MID2: variants seen among roughly 807,000 people sequenced by gnomAD.
MID2 encodes probable E3 ubiquitin-protein ligase MID2.
In MID2, 13 loss-of-function variants were observed where a neutral mutation model predicts 46.1. The ratio of observed to expected loss-of-function variants is 0.28; its 90% CI spans 0.18 to 0.45. The LOEUF is 0.45. Among genes scored for constraint, MID2 ranks in the 20% least tolerant of loss-of-function variants. MID2 has a pLI of 1.00. For missense variants in MID2, 431 were observed against 575.4 expected (o/e 0.75, Z 2.57); for synonymous variants, 199 against 212.3 (o/e 0.94, Z 0.55).
intron 3 of MID2, among the ~76,000 whole-genome samples, chrX:107,874,654 T>C (rs928302994): frequency 1.8e-5 from 2 of 112,519 alleles, no homozygotes; most frequent in African/African-American, 6.5e-5. Flanking sequence ...AGTCCCAGGT[T>C]CCCAAATTAG....
At chrX:107,838,639 C>G (rs964232533) in intron 1 of MID2, among the ~76,000 whole-genome samples, 1 of 112,284 alleles carries the variant, frequency 8.9e-6, no homozygotes, top group Non-Finnish European at 1.9e-5. Flanking sequence ...GATTTAGAAA[C>G]AGCTTTTAGG....
intron 3 of MID2, among the ~76,000 whole-genome samples, chrX:107,902,425 C>T (rs750511285): frequency 1.3e-4 from 14 of 111,091 alleles, no homozygotes; most frequent in Admixed American, 3.8e-4. Flanking sequence ...TAAAGGAGTT[C>T]GTGAGCTGGT....
In MID2 at chrX:107,927,002, C is replaced by T. The variant is rs145359982; in HGVS notation, c.2137C>T (p.Pro713Ser). ...GLPAPDFIDY[P>S]ERQECNCRPQ... ...GCCTGCCCCAGATTTTATTGATTAC[C>T]CTGAGCGGCAGGAATGCAACTGCAG... Residue 713 changes from proline (P) to serine (S), a missense_variant, in exon 10 of 10, where the codon CCT becomes TCT. Transcript: ENST00000262843. 17 of 1,208,683 alleles carry T rather than the reference C, an allele frequency of 1.4e-5. No homozygotes were observed. In the African/African-American group the frequency reaches 2.3e-4, roughly 16 times the overall value.
At chrX:107,839,861 C>T (rs1210628535) in intron 1 of MID2, among the ~76,000 whole-genome samples, 3 of 112,227 alleles carry the variant, frequency 2.7e-5, no homozygotes, top group Admixed American at 1.9e-4. Flanking sequence ...GTAATGAAAC[C>T]AAACTGAAGC....
chrX:107,881,268 G>C (rs1480764130), intron 3 of MID2, among the ~76,000 whole-genome samples: 1 of 112,767 alleles, frequency 8.9e-6, no homozygotes, highest in Admixed American at 9.4e-5. Context: ...GACAAAATTG[G>C]TGAAGGTCAT....
intron 3 of MID2, among the ~76,000 whole-genome samples, chrX:107,879,472 A>C (rs761226638): frequency 5.3e-5 from 6 of 112,236 alleles, no homozygotes; most frequent in Non-Finnish European, 7.5e-5. Flanking sequence ...TCTCTCCAAC[A>C]TTCAACCATA....
intron 4 of MID2, among the ~76,000 whole-genome samples, 165 bp downstream of exon 4, chrX:107,904,230 G>A (rs770163233): frequency 9.8e-5 from 11 of 111,880 alleles, no homozygotes; most frequent in African/African-American, 3.2e-4. Context: ...CAGTAAAAAC[G>A]ATGGCCATTC....
chrX:107,859,764 G>A (rs950060960), intron 3 of MID2, among the ~76,000 whole-genome samples: 17 of 112,408 alleles, frequency 1.5e-4, no homozygotes, highest in African/African-American at 5.2e-4. Flanking sequence ...ATAAAAATGA[G>A]ATAAGGGAGT....
In MID2 at chrX:107,931,591, C is replaced by A. The variant is rs1234690404; in HGVS notation, c.*4518C>A. Among the ~76,000 whole-genome samples the A allele has an allele frequency of 9.0e-6, 1 of 111,471 alleles. No homozygotes were observed. Among genetic ancestry groups the A allele is most frequent in the Admixed American group, 9.6e-5 (1 of 10,433 alleles). On this transcript the variant is annotated 3_prime_UTR_variant, in exon 10 of 10. Coordinates refer to ENST00000262843, the MANE Select transcript of MID2 (RefSeq NM_012216.4). ...CCCTCTCTACAATATTCCAGCCCAT[C>A]CAAAATGCTATATTATGAATTAAAT...
intron 1 of MID2, among the ~76,000 whole-genome samples, chrX:107,831,485 C>T (rs1931088275): frequency 8.9e-6 from 1 of 112,122 alleles, no homozygotes; most frequent in Non-Finnish European, 1.9e-5. Context: ...ATATATACAG[C>T]ACAGAGATAG....
chrX:107,858,352 C>T (rs970529693), intron 3 of MID2, among the ~76,000 whole-genome samples: 5 of 112,183 alleles, frequency 4.5e-5, no homozygotes, highest in Non-Finnish European at 9.4e-5. Context: ...CCTGGCTCAT[C>T]AGGCATCCTT....
In MID2 at chrX:107,893,149, C is replaced by T. The variant is rs6622274; in HGVS notation, c.817-10809C>T. Among the ~76,000 whole-genome samples, 6 of 112,491 alleles carry T rather than the reference C, an allele frequency of 5.3e-5. No homozygotes were observed. In the East Asian group the frequency reaches 8.3e-4, roughly 16 times the overall value. ...CTGTCTATAATCTTTCATGTTCTTA[C>T]GGCTTTCTGAAAAACAGTGCTATTA... On this transcript the variant is annotated intron_variant, in intron 3 of 9. Transcript: ENST00000262843.
chrX:107,856,779 G>T (rs969247137), intron 3 of MID2, among the ~76,000 whole-genome samples: 3 of 112,603 alleles, frequency 2.7e-5, no homozygotes, highest in Non-Finnish European at 5.6e-5. Context: ...TCTTGCCTGA[G>T]TCTTAATGAG....
At chrX:107,879,604 A>G in intron 3 of MID2, among the ~76,000 whole-genome samples, 1 of 111,811 alleles carries the variant, frequency 8.9e-6, no homozygotes, top group Non-Finnish European at 1.9e-5. Flanking sequence ...GCAGCATTCA[A>G]GAGGGAAAAC....
chrX:107,912,336 C>T (rs1467945847), intron 5 of MID2, among the ~76,000 whole-genome samples: 1 of 112,152 alleles, frequency 8.9e-6, no homozygotes, highest in African/African-American at 3.2e-5. Flanking sequence ...TTAATAATCT[C>T]TGCTCTCCAA....
intron 3 of MID2, among the ~76,000 whole-genome samples, chrX:107,862,155 G>T (rs1002685972): frequency 1.8e-5 from 2 of 111,156 alleles, no homozygotes; most frequent in African/African-American, 6.5e-5. Flanking sequence ...ATAGTAGCAG[G>T]AGGAGGAGGA....
chrX:107,909,113 A>G (rs181842437), intron 5 of MID2, among the ~76,000 whole-genome samples: 3 of 111,690 alleles, frequency 2.7e-5, no homozygotes, highest in Non-Finnish European at 3.8e-5. Flanking sequence ...TTGTATTCCT[A>G]TAAATATTCT....
chrX:107,865,684 GAGA>G (rs1004187164), intron 3 of MID2, among the ~76,000 whole-genome samples: 2 of 112,220 alleles, frequency 1.8e-5, no homozygotes, highest in African/African-American at 6.5e-5. Context: ...CTTTCCTTGA[GAGA>G]AGGTTTTCCT....
At chrX:107,828,697 A>C (rs1038429019) in intron 1 of MID2, among the ~76,000 whole-genome samples, 2 of 112,349 alleles carry the variant, frequency 1.8e-5, no homozygotes, top group African/African-American at 6.5e-5. Context: ...CAGGTCCAGG[A>C]GTCAAGAAGA....
Sources: allele counts gnomAD v4.1 joint callset (sites outside exome capture counted in the v4.1 genomes callset), GRCh38; gene constraint gnomAD v4.1.1; transcripts MANE v1.5; gene names NCBI Gene and HGNC (gene_info 2026-07-23, HGNC 2026-07-21).